Variants in BAZ1B observed in about 807,000 individuals in gnomAD.
BAZ1B encodes the protein tyrosine-protein kinase BAZ1B.
BAZ1B carries 22 observed loss-of-function variants against 153.8 expected under a neutral mutation model. The observed-to-expected ratio is 0.14, with a 90% confidence interval of 0.10 to 0.20. The LOEUF (loss-of-function observed/expected upper bound fraction) is 0.20. Among genes scored for constraint, BAZ1B ranks in the 10% least tolerant of loss-of-function variants. The probability of loss-of-function intolerance (pLI) is 1.00; values close to 1 mark genes in which losing one functional copy is unlikely to be tolerated. For missense variants in BAZ1B, 1,325 were observed against 1,799.3 expected, an observed-to-expected ratio of 0.74 and a Z score of 4.77; for synonymous variants, 676 against 633.4, an observed-to-expected ratio of 1.07 and a Z score of -1.01.
intron 17 of BAZ1B, among the ~76,000 whole-genome samples, 200 bp downstream of exon 17, chr7:73,443,784 G>A (rs1554565648): frequency 6.6e-6 from 1 of 152,172 alleles, no homozygotes; most frequent in Non-Finnish European, 1.5e-5. Flanking sequence ...GCAGGGGAAT[G>A]CCGGACATAG....
intron 4 of BAZ1B, among the ~76,000 whole-genome samples, chr7:73,494,008 A>G (rs1271042071): frequency 6.6e-6 from 1 of 152,140 alleles, no homozygotes; most frequent in African/African-American, 2.4e-5. Flanking sequence ...ATTTAAAGAG[A>G]TTAGAATTTG....
intron 3 of BAZ1B, among the ~76,000 whole-genome samples, chr7:73,502,824 C>CT (rs2116428673): frequency 6.6e-6 from 1 of 152,184 alleles, no homozygotes; most frequent in East Asian, 1.9e-4. Flanking sequence ...CCCAGTAAGC[C>CT]TACGCACAGG....
intron 16 of BAZ1B, among the ~76,000 whole-genome samples, chr7:73,446,454 GGGT>G (rs1431752149): frequency 6.6e-6 from 1 of 151,240 alleles, no homozygotes; most frequent in Non-Finnish European, 1.5e-5. Context: ...GTGTGGTGGT[GGGT>G]GTCTGTATAC....
intron 4 of BAZ1B, among the ~76,000 whole-genome samples, chr7:73,495,263 A>G (rs565695761): frequency 6.6e-6 from 1 of 152,358 alleles, no homozygotes; most frequent in Admixed American, 6.5e-5. Context: ...AGCCTGGGTG[A>G]CAGAGCGAGA....
rs782042306 is a variant in BAZ1B, at chr7:73,510,819, C to T, written c.141G>A (p.Glu47=). Residue 47 remains glutamate, a synonymous_variant, in exon 2 of 20, where the codon GAG becomes GAA. Coordinates refer to ENST00000339594, the MANE Select transcript of BAZ1B (RefSeq NM_032408.4). ...EYEARLERYS[E]RIWTCKSTGS... is the part of the protein sequence containing the mutation. ...CAGTACTCTTGCACGTCCAAATGCG[C>T]TCACTGTACCTTTCCAAGCGGGCTT... The T allele has an allele frequency of 1.2e-6, 2 of 1,614,186 alleles. No individual in the cohort carries two copies.
chr7:73,514,249 G>A (rs981647310), intron 1 of BAZ1B, among the ~76,000 whole-genome samples: 8 of 152,138 alleles, frequency 5.3e-5, no homozygotes, highest in Non-Finnish European at 8.8e-5. Flanking sequence ...AGTAGGGGCC[G>A]GCCAGGCACA....
chr7:73,465,771 A>G (rs1554571084), intron 10 of BAZ1B, among the ~76,000 whole-genome samples: 1 of 152,078 alleles, frequency 6.6e-6, no homozygotes, highest in African/African-American at 2.4e-5. Flanking sequence ...ATTATATGAA[A>G]TTTTATAAAG....
intron 9 of BAZ1B, among the ~76,000 whole-genome samples, chr7:73,467,942 T>C (rs979556359): frequency 6.6e-6 from 1 of 152,198 alleles, no homozygotes; most frequent in Non-Finnish European, 1.5e-5. Flanking sequence ...TAATCTATGC[T>C]CGATATAATT....
At chr7:73,488,428 A>G (rs1789502142) in intron 6 of BAZ1B, among the ~76,000 whole-genome samples, 1 of 152,128 alleles carries the variant, frequency 6.6e-6, no homozygotes, top group Admixed American at 6.6e-5. Context: ...AAAAGTGAGG[A>G]TTTTAAAAAT....
intron 3 of BAZ1B, among the ~76,000 whole-genome samples, chr7:73,507,928 G>A (rs144178974): frequency 0.013 from 1,910 of 152,220 alleles, 43 homozygotes; most frequent in African/African-American, 0.044. Context: ...GCCAAGGTGG[G>A]TGGATCATCT....
In BAZ1B at chr7:73,468,965, A is replaced by C. The variant is rs370845101; in HGVS notation, c.2866+552T>G. ...GCCAACATGGCGAAACCCCGTCCCT[A>C]CAAAAAATACAAAAATTAGCCAGAT... is the stretch of plus-strand genomic sequence containing the variant. On this transcript the variant is annotated intron_variant, in intron 9 of 19. Transcript: ENST00000339594. Among the ~76,000 whole-genome samples, 24 of 152,244 alleles carry C rather than the reference A, an allele frequency of 1.6e-4. No homozygotes were observed. The East Asian group carries it at 2.7e-3, about 17-fold the overall frequency.
chr7:73,477,155 C>T lies in BAZ1B; in HGVS notation c.2306G>A (p.Arg769Lys), dbSNP rs1554572926. 1 of 1,614,226 alleles carries T rather than the reference C, an allele frequency of 6.2e-7. No individual in the cohort carries two copies. Among genetic ancestry groups the T allele is most frequent in the Admixed American group, 1.7e-5 (1 of 60,024 alleles). Residue 769 changes from arginine (R) to lysine (K), a missense_variant, in exon 7 of 20, where the codon AGA becomes AAA. Arg to Lys is a conservative substitution (Grantham distance 26). Coordinates refer to ENST00000339594, the MANE Select transcript of BAZ1B (RefSeq NM_032408.4). The surrounding 1 kb of genome is among the most constrained non-coding windows in gnomAD (Gnocchi z 5.6). Reference protein sequence around the residue: ...TYSVQDHMETRQQMSAELWKE... With the variant: ...TYSVQDHMETKQQMSAELWKE... ...CCACAACTCTGCAGACATCTGCTGT[C>T]TGGTCTCCATGTGGTCTTGCACTGA...
At chr7:73,502,288 A>C (rs2116426816) in intron 3 of BAZ1B, among the ~76,000 whole-genome samples, 1 of 152,216 alleles carries the variant, frequency 6.6e-6, no homozygotes, top group East Asian at 1.9e-4. Context: ...GTCATCAATA[A>C]ATATCTGGGA....
chr7:73,462,824 C>G, intron 12 of BAZ1B, 98 bp downstream of exon 12: 1 of 1,313,420 alleles, frequency 7.6e-7, no homozygotes, highest in Non-Finnish European at 1.1e-6. Context: ...CATCTGATTT[C>G]CAGGAGGGTC....
intron 13 of BAZ1B, among the ~76,000 whole-genome samples, chr7:73,456,044 T>G (rs1788186645): frequency 6.6e-6 from 1 of 152,186 alleles, no homozygotes; most frequent in Non-Finnish European, 1.5e-5. Flanking sequence ...TCATTTTATT[T>G]ACTTACAATA....
intron 3 of BAZ1B, among the ~76,000 whole-genome samples, chr7:73,506,540 T>C (rs1790349466): frequency 6.9e-6 from 1 of 144,114 alleles, no homozygotes; most frequent in African/African-American, 2.6e-5. Flanking sequence ...CCAACTCTCA[T>C]TACAGCGAGG....
intron 8 of BAZ1B, among the ~76,000 whole-genome samples, chr7:73,469,858 T>C (rs6460043): frequency 0.99 from 151,056 of 152,334 alleles, 74,897 homozygotes; most frequent in East Asian, 1. Context: ...AGCTTAATGT[T>C]CGTAATTTGT....
chr7:73,473,927 T>C (rs2116326465), intron 7 of BAZ1B, among the ~76,000 whole-genome samples: 1 of 152,332 alleles, frequency 6.6e-6, no homozygotes, highest in Non-Finnish European at 1.5e-5. Flanking sequence ...ATCACACTGC[T>C]GCACTCCAGC....
At chr7:73,512,021 T>C (rs1583956334) in intron 1 of BAZ1B, among the ~76,000 whole-genome samples, 1 of 74,876 alleles carries the variant, frequency 1.3e-5, no homozygotes. Flanking sequence ...AGAGCGAAAC[T>C]CCACCTCAAA....
Sources: allele counts gnomAD v4.1 joint callset (sites outside exome capture counted in the v4.1 genomes callset), GRCh38; gene constraint gnomAD v4.1.1; non-coding constraint Gnocchi (gnomAD v3.1); transcripts MANE v1.5; gene names NCBI Gene and HGNC (gene_info 2026-07-23, HGNC 2026-07-21).